Variants in COL4A1 observed in about 807,000 individuals in gnomAD.
COL4A1 encodes collagen type IV alpha 1 chain.
Under a neutral mutation model 216.6 loss-of-function variants are expected in COL4A1, and 40 were observed. The observed-to-expected ratio is 0.18, with a 90% CI of 0.14 to 0.24. COL4A1 has a LOEUF of 0.24. Among genes scored for constraint, COL4A1 ranks in the 10% least tolerant of loss-of-function variants. The pLI, the probability that COL4A1 is intolerant of heterozygous loss-of-function variation, is 1.00. For synonymous variants in COL4A1, 839 were observed against 810.7 expected (o/e 1.03, Z -0.59); for missense variants, 1,628 against 2,196.8 (o/e 0.74, Z 5.18).
rs549547454 is a variant in COL4A1, at chr13:110,197,572, A to G, written c.1285+895T>C. Among the ~76,000 whole-genome samples the G allele has an allele frequency of 2.0e-5, 3 of 152,222 alleles. No individual in the cohort carries two copies. In the South Asian group the frequency reaches 6.2e-4, roughly 32 times the overall value. Reference sequence around the variant, plus strand: ...AAGAGCAGAGGAGAAAAGTTCCCCAAAGTCACACATGATCTGTTCTTTCTC... The same window carrying G: ...AAGAGCAGAGGAGAAAAGTTCCCCAGAGTCACACATGATCTGTTCTTTCTC... On this transcript the variant is annotated intron_variant, in intron 21 of 51. Coordinates refer to ENST00000375820, the MANE Select transcript of COL4A1 (RefSeq NM_001845.6).
At chr13:110,152,541 C>G in intron 50 of COL4A1, 35 bp from the exon 51 acceptor site, 2 of 1,591,404 alleles carry the variant, frequency 1.3e-6, no homozygotes, top group Non-Finnish European at 1.7e-6. Context: ...GTCAGAGGTT[C>G]CCTCCCCAAA....
intron 1 of COL4A1, among the ~76,000 whole-genome samples, chr13:110,255,906 G>A (rs1882535837): frequency 7.0e-6 from 1 of 143,524 alleles, no homozygotes; most frequent in East Asian, 2.0e-4. Flanking sequence ...GGAAGGGAGG[G>A]GGAAGGCAGG....
chr13:110,264,561 TC>T, intron 1 of COL4A1, among the ~76,000 whole-genome samples: 1 of 152,268 alleles, frequency 6.6e-6, no homozygotes, highest in South Asian at 2.1e-4. Context: ...GGATGCACAT[TC>T]AGGCCTCATG....
intron 33 of COL4A1, 143 bp downstream of exon 33, chr13:110,177,699 G>A (rs1252113917): frequency 4.9e-6 from 4 of 820,106 alleles, no homozygotes; most frequent in Non-Finnish European, 8.1e-6. Flanking sequence ...GAAGAAGGGG[G>A]TCTCCCAGCC....
At chr13:110,189,047 G>A (rs111672035) in intron 24 of COL4A1, among the ~76,000 whole-genome samples, 8 of 152,078 alleles carry the variant, frequency 5.3e-5, no homozygotes, top group Non-Finnish European at 1.2e-4. Context: ...TTTGTTTTTT[G>A]TTTTGTTTTG....
At chr13:110,296,129 C>T (rs1884265282) in intron 1 of COL4A1, among the ~76,000 whole-genome samples, 1 of 152,256 alleles carries the variant, frequency 6.6e-6, no homozygotes, top group Admixed American at 6.5e-5. Context: ...CTATGACAGT[C>T]TCCTCTCTGA....
intron 10 of COL4A1, 45 bp from the exon 11 acceptor site, chr13:110,209,472 G>A (rs755326867): frequency 7.3e-7 from 1 of 1,364,194 alleles, no homozygotes; most frequent in South Asian, 1.2e-5. Flanking sequence ...AGAACTCTAG[G>A]GAGCTTTAAG....
intron 2 of COL4A1, among the ~76,000 whole-genome samples, chr13:110,219,984 A>ATT (rs1880395389): frequency 6.9e-6 from 1 of 145,970 alleles, no homozygotes; most frequent in African/African-American, 2.5e-5. Context: ...ATATATATAT[A>ATT]TTTGAGGCAG....
chr13:110,158,699 G>A (rs1341773216), intron 49 of COL4A1, among the ~76,000 whole-genome samples: 1 of 150,444 alleles, frequency 6.6e-6, no homozygotes, highest in Non-Finnish European at 1.5e-5. Context: ...TTGTTCACTG[G>A]CCACTTTCCT....
Position 110,187,386 on chromosome 13 carries a change from GTGAC to G in COL4A1, c.1537-61_1537-58del, listed in dbSNP as rs1878451372. The stretch of plus-strand genomic sequence containing the variant: ...GAACCCATCCATGAAGCACACCAGT[GTGAC>G]TGTAACACAAGCAACCATAGAATCA... On this transcript the variant is annotated intron_variant, in intron 24 of 51. Transcript: ENST00000375820. The G allele has an allele frequency of 6.3e-6, 10 of 1,591,846 alleles. No individual in the cohort carries two copies. The East Asian group carries it at 2.2e-4, about 36-fold the overall frequency.
intron 2 of COL4A1, among the ~76,000 whole-genome samples, chr13:110,237,414 C>T (rs944186542): frequency 6.6e-6 from 1 of 152,172 alleles, no homozygotes; most frequent in Non-Finnish European, 1.5e-5. Context: ...CATTCAGCAA[C>T]AGCTGGAGAT....
intron 21 of COL4A1, among the ~76,000 whole-genome samples, chr13:110,196,697 A>G (rs146424390): frequency 9.8e-5 from 15 of 152,366 alleles, no homozygotes; most frequent in African/African-American, 2.2e-4. Context: ...GTGCAAATCT[A>G]GAGTTTACAT....
intron 21 of COL4A1, among the ~76,000 whole-genome samples, 164 bp downstream of exon 21, chr13:110,198,303 T>G (rs1879000840): frequency 6.6e-6 from 1 of 152,236 alleles, no homozygotes; most frequent in Admixed American, 6.5e-5. Flanking sequence ...GTAGCATGGT[T>G]CATTCTCTGA....
chr13:110,156,509 C>A (rs1228216245), intron 49 of COL4A1, among the ~76,000 whole-genome samples: 1 of 152,194 alleles, frequency 6.6e-6, no homozygotes, highest in Non-Finnish European at 1.5e-5. Context: ...GCATCCACTG[C>A]CGCTGAAGTG....
In COL4A1 at chr13:110,206,707, T is replaced by G. The variant is rs141291543; in HGVS notation, c.816A>C (p.Pro272=). The change falls in exon 15 of 52, where the codon CCA becomes CCC. Residue 272 remains proline, a synonymous_variant. Transcript: ENST00000375820. The stretch of plus-strand genomic sequence containing the variant: ...CGGGTTCACCTTTCTCTCCGACCCC[T>G]GGCATCCCCTTAAAGGAATAAAAAG... The part of the protein sequence containing the change: ...QKGEPGFQGM[P]GVGEKGEPGK... 4.3e-6 allele frequency: 7 copies of G among 1,614,220 alleles called. No homozygotes were observed. The East Asian group carries it at 1.6e-4, about 36-fold the overall frequency.
chr13:110,222,490 C>CCTAAATATTCATTGT (rs1555308292), intron 2 of COL4A1, among the ~76,000 whole-genome samples: 84 of 151,410 alleles, frequency 5.5e-4, no homozygotes, highest in Admixed American at 1.1e-3. Flanking sequence ...AAGGCTTTTT[C>CCTAAATATTCATTGT]AGGCCGGGCG....
intron 2 of COL4A1, among the ~76,000 whole-genome samples, chr13:110,223,383 G>GA (rs537774666): frequency 7.2e-4 from 108 of 150,554 alleles, no homozygotes; most frequent in African/African-American, 7.8e-4. Flanking sequence ...AATTCTAAAA[G>GA]AAAAAAAAAT....
In COL4A1 at chr13:110,211,966, A is replaced by C; in HGVS notation, c.388-44T>G. ...ATCATTCATACGCACTGTGTGTGGC[A>C]GACACATCAGCCCTGACATCGCATG... On this transcript the variant is annotated intron_variant, in intron 6 of 51. Coordinates refer to ENST00000375820, the MANE Select transcript of COL4A1 (RefSeq NM_001845.6). The surrounding 1 kb of genome is among the most constrained non-coding windows in gnomAD (Gnocchi z 4.3). 6.4e-7 allele frequency: 1 copy of C among 1,569,908 alleles called. No individual in the cohort carries two copies. The highest frequency in any genetic ancestry group is 8.8e-7 in the Non-Finnish European group (1 of 1,139,730).
intron 20 of COL4A1, 80 bp from the exon 21 acceptor site, chr13:110,198,711 T>C: frequency 6.3e-7 from 1 of 1,585,536 alleles, no homozygotes; most frequent in Non-Finnish European, 8.6e-7. Flanking sequence ...CCTAACTCTG[T>C]TCAAGGTAAA....
Sources: gnomAD v4.1 joint callset for allele counts (sites outside exome capture counted in the v4.1 genomes callset) on GRCh38, gnomAD v4.1.1 for gene constraint, Gnocchi (gnomAD v3.1) non-coding constraint, MANE v1.5 for transcripts, NCBI Gene and HGNC (gene_info 2026-07-23, HGNC 2026-07-21) for gene names.